The following DRC2 variants were observed in gnomAD, a reference collection of about 807,000 sequenced individuals.
DRC2 encodes the protein dynein regulatory complex subunit 2.
chr12:48,904,973 A>T, the DRC2 span: 1 of 1,611,480 alleles, frequency 6.2e-7, no homozygotes, highest in Non-Finnish European at 8.5e-7. Context: ...GGAACACAAC[A>T]GTGCTCTGAA....
At chr12:48,909,817 G>T in the DRC2 span, among the ~76,000 whole-genome samples, 1 of 142,544 alleles carries the variant, frequency 7.0e-6, no homozygotes, top group African/African-American at 2.6e-5. Flanking sequence ...GTCTCACTCT[G>T]TTGCCCAGGG....
chr12:48,914,544 A>C, the DRC2 span: 3 of 1,614,012 alleles, frequency 1.9e-6, no homozygotes, highest in Non-Finnish European at 2.5e-6. Flanking sequence ...TGGAGCTGGA[A>C]GCCCTAACCA....
At chr12:48,908,604 A>ATTATTATTAT in the DRC2 span, among the ~76,000 whole-genome samples, 1 of 110,966 alleles carries the variant, frequency 9.0e-6, no homozygotes, top group Admixed American at 8.3e-5. Context: ...TATTATTATT[A>ATTATTATTAT]TTATTTATTT....
chr12:48,904,934 T>G, the DRC2 span: 1 of 1,569,994 alleles, frequency 6.4e-7, no homozygotes, highest in Non-Finnish European at 8.7e-7. Context: ...GTATATTTAT[T>G]CCTTCACACA....
At chr12:48,914,399 C>A in the DRC2 span, 2 of 1,597,914 alleles carry the variant, frequency 1.3e-6, no homozygotes, top group African/African-American at 2.7e-5. Flanking sequence ...CTCTTTCTGG[C>A]CTAGTCTTTA....
the DRC2 span, chr12:48,914,328 T>G: frequency 7.0e-7 from 1 of 1,427,890 alleles, no homozygotes; most frequent in Non-Finnish European, 9.4e-7. Context: ...AAGAAAAAAC[T>G]GCCAGCTGAA....
At chr12:48,905,007 G>A in the DRC2 span, 1 of 1,614,010 alleles carries the variant, frequency 6.2e-7, no homozygotes, top group Non-Finnish European at 8.5e-7. Flanking sequence ...AACACACAGT[G>A]GAGAACTGTC....
At chr12:48,916,942 A>AG in the DRC2 span, 1 of 1,607,570 alleles carries the variant, frequency 6.2e-7, no homozygotes, top group South Asian at 1.1e-5. Context: ...TATCCCTCAG[A>AG]GCAGGGACAG....
At chr12:48,919,798 G>A in the DRC2 span, among the ~76,000 whole-genome samples, 4 of 152,078 alleles carry the variant, frequency 2.6e-5, no homozygotes, top group African/African-American at 7.2e-5. Context: ...TTACAGGCGT[G>A]AGCCACCGCG....
chr12:48,914,361 G>C, the DRC2 span: 1 of 1,530,748 alleles, frequency 6.5e-7, no homozygotes, highest in Non-Finnish European at 8.8e-7. Flanking sequence ...TTCTCACAGA[G>C]ATGCTATTCA....
the DRC2 span, among the ~76,000 whole-genome samples, chr12:48,916,642 G>C: frequency 1.3e-5 from 2 of 152,022 alleles, no homozygotes; most frequent in Non-Finnish European, 2.9e-5. Flanking sequence ...GGGAGAGGGA[G>C]AGGGAGAGGG....
chr12:48,909,157 C>A, the DRC2 span, among the ~76,000 whole-genome samples: 1 of 149,784 alleles, frequency 6.7e-6, no homozygotes, highest in Non-Finnish European at 1.5e-5. Flanking sequence ...GATTCTTCTG[C>A]CTCAGCCTCC....
chr12:48,915,997 CG>C, the DRC2 span, among the ~76,000 whole-genome samples: 1 of 137,214 alleles, frequency 7.3e-6, no homozygotes, highest in Non-Finnish European at 1.5e-5. Flanking sequence ...ACATCCCAGA[CG>C]ATGGGCGGCC....
chr12:48,904,206 C>T, the DRC2 span: 1 of 1,267,280 alleles, frequency 7.9e-7, no homozygotes, highest in East Asian at 2.4e-5. Flanking sequence ...GCTGAGATCT[C>T]CGGTCCCACA....
chr12:48,912,504 G>T, the DRC2 span, among the ~76,000 whole-genome samples: 5 of 148,762 alleles, frequency 3.4e-5, no homozygotes, highest in Non-Finnish European at 7.4e-5. Flanking sequence ...TTAGGCTCCT[G>T]GAGGGACCAT....
At chr12:48,916,822 T>C in the DRC2 span, 1 of 669,552 alleles carries the variant, frequency 1.5e-6, no homozygotes, top group Non-Finnish European at 2.4e-6. Context: ...TTTCTAGCCC[T>C]AAAAAGAGTA....
chr12:48,918,194 A>G, the DRC2 span: 1 of 1,331,598 alleles, frequency 7.5e-7, no homozygotes, highest in Admixed American at 1.7e-5. Context: ...AAACAGTTCA[A>G]GAGGGTGGGA....
chr12:48,909,778 CTTTTT>C, the DRC2 span, among the ~76,000 whole-genome samples: 1 of 139,008 alleles, frequency 7.2e-6, no homozygotes, highest in Non-Finnish European at 1.5e-5. Flanking sequence ...CGCCCAGCCT[CTTTTT>C]TTTTTTTTTT....
the DRC2 span, among the ~76,000 whole-genome samples, chr12:48,917,683 AC>A: frequency 6.6e-6 from 1 of 152,166 alleles, no homozygotes; most frequent in East Asian, 1.9e-4. Flanking sequence ...ATCTGGCTTC[AC>A]CCCTGTGATT....
Sources: allele counts gnomAD v4.1 joint callset (sites outside exome capture counted in the v4.1 genomes callset), GRCh38; gene constraint gnomAD v4.1.1; transcripts MANE v1.5; gene names NCBI Gene and HGNC (gene_info 2026-07-23, HGNC 2026-07-21).